Variants in FGD4 observed in about 807,000 individuals in gnomAD.
The protein encoded by FGD4 is FYVE, RhoGEF and PH domain containing 4, also known as FYVE, RhoGEF and PH domain-containing protein 4.
In FGD4, 42 loss-of-function variants were observed where a neutral mutation model predicts 102.0. The ratio of observed to expected loss-of-function variants is 0.41; its 90% CI spans 0.32 to 0.53. The LOEUF (loss-of-function observed/expected upper bound fraction) is 0.53. Among genes scored for constraint, FGD4 ranks in the 20% least tolerant of loss-of-function variants. The probability of loss-of-function intolerance (pLI) is 0.21; values close to 1 mark genes in which losing one functional copy is unlikely to be tolerated. For synonymous variants in FGD4, 380 were observed against 375.7 expected (o/e 1.01, Z -0.13); for missense variants, 902 against 1,078.2 (o/e 0.84, Z 2.29).
intron 1 of FGD4, among the ~76,000 whole-genome samples, chr12:32,523,791 G>A (rs1009991126): frequency 6.3e-4 from 95 of 151,666 alleles, no homozygotes; most frequent in African/African-American, 2.3e-3. Context: ...TGGCTAACAC[G>A]GTGAAACCCC....
intron 1 of FGD4, among the ~76,000 whole-genome samples, chr12:32,412,745 TA>T (rs1474994413): frequency 6.6e-6 from 1 of 151,978 alleles, no homozygotes; most frequent in Non-Finnish European, 1.5e-5. Flanking sequence ...CACACCCATC[TA>T]ATTTTTTGTA....
At chr12:32,615,927 C>T (rs11052106) in intron 10 of FGD4, among the ~76,000 whole-genome samples, 37 of 152,200 alleles carry the variant, frequency 2.4e-4, no homozygotes, top group African/African-American at 8.4e-4. Flanking sequence ...TGAGTTCTGA[C>T]TTGGTTGGTT....
chr12:32,525,409 A>G lies in FGD4; in HGVS notation c.167-38728A>G, dbSNP rs542468361. Among the ~76,000 whole-genome samples the G allele has an allele frequency of 2.0e-5, 3 of 152,368 alleles. No individual in the cohort carries two copies. In the South Asian group the frequency reaches 6.2e-4, roughly 32 times the overall value. ...ATATACTATATGTAACTGGAATTGT[A>G]CTTTATTCTGTGTACTTTATTCATT... On this transcript the variant is annotated intron_variant, in intron 1 of 16. Coordinates refer to ENST00000534526, the MANE Select transcript of FGD4 (RefSeq NM_001370298.3).
At chr12:32,518,205 G>A (rs991644192) in intron 1 of FGD4, among the ~76,000 whole-genome samples, 2 of 152,152 alleles carry the variant, frequency 1.3e-5, no homozygotes, top group Non-Finnish European at 2.9e-5. Context: ...TTCTATGAAG[G>A]GTGGTGTGCC....
intron 1 of FGD4, among the ~76,000 whole-genome samples, chr12:32,461,908 G>A (rs147340901): frequency 0.038 from 5,770 of 151,792 alleles, 167 homozygotes; most frequent in South Asian, 0.12. Context: ...TATGTTTTTA[G>A]TAGAGACGGG....
Position 32,564,141 on chromosome 12 carries a change from C to G in FGD4, c.171C>G (p.Ser57Arg). 6.5e-7 allele frequency: 1 copy of G among 1,535,476 alleles called. No homozygotes were observed. The highest frequency in any genetic ancestry group is 8.7e-7 in the Non-Finnish European group (1 of 1,146,606). ...TTTCTTTCTGAACTCTTGCAGGCAG[C>G]AGTACCTGTCCAAAGATCGCTTTAG... ...KGQVPSGATG[S>R]STCPKIALVP... Residue 57 changes from serine to arginine, a missense_variant, in exon 2 of 17, where the codon AGC (serine) becomes AGG (arginine). By Grantham distance (110) the Ser-to-Arg change is moderately radical. Coordinates refer to ENST00000534526, the MANE Select transcript of FGD4 (RefSeq NM_001370298.3).
At chr12:32,466,675 C>G (rs1467891977) in intron 1 of FGD4, among the ~76,000 whole-genome samples, 3 of 151,930 alleles carry the variant, frequency 2.0e-5, no homozygotes, top group Non-Finnish European at 4.4e-5. Context: ...CGAAACCAGC[C>G]TGGCCAATAT....
intron 1 of FGD4, among the ~76,000 whole-genome samples, chr12:32,548,456 T>G (rs997972189): frequency 6.6e-6 from 1 of 152,254 alleles, no homozygotes; most frequent in African/African-American, 2.4e-5. Flanking sequence ...ATTCTGCATT[T>G]CCATATTACT....
chr12:32,453,980 C>T (rs774328047), intron 1 of FGD4, among the ~76,000 whole-genome samples: 10 of 151,940 alleles, frequency 6.6e-5, no homozygotes, highest in Non-Finnish European at 1.2e-4. Context: ...TAAGTGGACT[C>T]TTGCCACCAG....
chr12:32,526,854 G>A (rs888110791), intron 1 of FGD4, among the ~76,000 whole-genome samples: 7 of 152,158 alleles, frequency 4.6e-5, no homozygotes, highest in Admixed American at 3.9e-4. Context: ...GCAAGGGTCC[G>A]TGGCTTCATT....
intron 1 of FGD4, among the ~76,000 whole-genome samples, chr12:32,496,838 A>G (rs1937852622): frequency 6.6e-6 from 1 of 152,164 alleles, no homozygotes; most frequent in African/African-American, 2.4e-5. Context: ...TGCTTGTGTA[A>G]TTTCCTCCCA....
chr12:32,491,185 T>A (rs1247850812), intron 1 of FGD4, among the ~76,000 whole-genome samples: 1 of 145,706 alleles, frequency 6.9e-6, no homozygotes, highest in East Asian at 2.0e-4. Context: ...TATATAAGCA[T>A]TATAGGAATA....
chr12:32,477,676 G>T (rs377428521), intron 1 of FGD4, among the ~76,000 whole-genome samples: 2 of 152,190 alleles, frequency 1.3e-5, no homozygotes, highest in South Asian at 2.1e-4. Context: ...ACACTACTAA[G>T]TGTAGAGAAA....
intron 1 of FGD4, among the ~76,000 whole-genome samples, chr12:32,508,861 A>C (rs749602289): frequency 2.6e-5 from 4 of 152,236 alleles, no homozygotes; most frequent in Non-Finnish European, 4.4e-5. Context: ...AGAGCACATG[A>C]GCATTGGGTC....
chr12:32,452,640 T>C (rs1034813725), intron 1 of FGD4, among the ~76,000 whole-genome samples: 14 of 152,214 alleles, frequency 9.2e-5, no homozygotes, highest in African/African-American at 3.4e-4. Flanking sequence ...TGAATTCTAG[T>C]CTACTGTTGT....
chr12:32,570,746 A>T (rs907138847), intron 2 of FGD4, among the ~76,000 whole-genome samples: 1 of 152,056 alleles, frequency 6.6e-6, no homozygotes, highest in Non-Finnish European at 1.5e-5. Context: ...TCAGTTTTTT[A>T]TTCTGATTGT....
chr12:32,639,151 T>C (rs182932970), intron 16 of FGD4, among the ~76,000 whole-genome samples: 3 of 152,176 alleles, frequency 2.0e-5, no homozygotes, highest in African/African-American at 7.2e-5. Flanking sequence ...TGTTTTTTGT[T>C]TGTTTGTTTG....
At chr12:32,526,779 C>T (rs185301743) in intron 1 of FGD4, among the ~76,000 whole-genome samples, 171 of 152,282 alleles carry the variant, frequency 1.1e-3, no homozygotes, top group Non-Finnish European at 2.0e-3. Flanking sequence ...CCCAGCAAGA[C>T]CACGAGCCCA....
chr12:32,597,081 A>G (rs1476000827), intron 4 of FGD4, among the ~76,000 whole-genome samples: 2 of 152,208 alleles, frequency 1.3e-5, no homozygotes, highest in African/African-American at 4.8e-5. Context: ...TTCAGAGACA[A>G]TGGCTTAATT....
Sources: allele counts gnomAD v4.1 joint callset (sites outside exome capture counted in the v4.1 genomes callset), GRCh38; gene constraint gnomAD v4.1.1; transcripts MANE v1.5; gene names NCBI Gene and HGNC (gene_info 2026-07-23, HGNC 2026-07-21).